CELF4: variants seen among roughly 807,000 people sequenced by gnomAD.
CELF4 encodes the protein CUGBP Elav-like family member 4.
In CELF4, 18 loss-of-function variants were observed where a neutral mutation model predicts 59.9. That is an observed-to-expected ratio of 0.30 (90% CI 0.21 to 0.45). The LOEUF (loss-of-function observed/expected upper bound fraction) is 0.45. Ranked by LOEUF, CELF4 falls within the 20% of genes least tolerant of loss-of-function variation. CELF4 has a pLI of 1.00. For missense variants in CELF4, 456 were observed against 689.0 expected, an observed-to-expected ratio of 0.66 and a Z score of 3.79; for synonymous variants, 261 against 267.1, an observed-to-expected ratio of 0.98 and a Z score of 0.22.
chr18:37,490,863 C>T (rs1362150131), intron 1 of CELF4, among the ~76,000 whole-genome samples: 1 of 152,148 alleles, frequency 6.6e-6, no homozygotes, highest in Non-Finnish European at 1.5e-5. Context: ...CCTTTCCTGC[C>T]CCACTGTCTG....
intron 2 of CELF4, among the ~76,000 whole-genome samples, chr18:37,468,783 T>C (rs549697593): frequency 6.6e-6 from 1 of 152,062 alleles, no homozygotes; most frequent in East Asian, 1.9e-4. Flanking sequence ...AGAGAGCGAA[T>C]GAGCAAAGGA....
intron 2 of CELF4, among the ~76,000 whole-genome samples, chr18:37,455,814 C>G (rs529424579): frequency 6.6e-6 from 1 of 152,198 alleles, no homozygotes; most frequent in Admixed American, 6.5e-5. Flanking sequence ...CCCGGGCTCT[C>G]CCAGGGCTCT....
chr18:37,552,494 T>C (rs2154605942), intron 1 of CELF4, among the ~76,000 whole-genome samples: 1 of 152,310 alleles, frequency 6.6e-6, no homozygotes, highest in East Asian at 1.9e-4. Flanking sequence ...ACTCCCCAAC[T>C]CCCGCCCCAG....
rs1289749681 is a variant in CELF4, at chr18:37,557,969, AT to A, written c.286+7386del. On this transcript the variant is annotated intron_variant, in intron 1 of 12. Coordinates refer to ENST00000420428, the MANE Select transcript of CELF4 (RefSeq NM_020180.4). ...AAGTAGAAGGGGAGAAACCCTGTAA[AT>A]GGATGGTCCTGAAAACATCCCTTTT... Among the ~76,000 whole-genome samples the A allele has an allele frequency of 1.4e-4, 21 of 150,252 alleles. No individual in the cohort carries two copies. In the East Asian group the frequency reaches 4.1e-3, roughly 30 times the overall value.
chr18:37,275,299 A>G, intron 3 of CELF4, 56 bp from the exon 4 acceptor site: 1 of 1,438,868 alleles, frequency 6.9e-7, no homozygotes, highest in East Asian at 3.3e-5. Flanking sequence ...GCGCGGGAGC[A>G]GGGCAAGGCC....
At chr18:37,283,840 C>T (rs1434447565) in intron 3 of CELF4, among the ~76,000 whole-genome samples, 1 of 125,298 alleles carries the variant, frequency 8.0e-6, no homozygotes, top group Non-Finnish European at 1.7e-5. Flanking sequence ...AAGGGGTGGG[C>T]ACTGCGGGCC....
chr18:37,318,081 C>A (rs1289074563), intron 3 of CELF4, among the ~76,000 whole-genome samples: 1 of 152,212 alleles, frequency 6.6e-6, no homozygotes, highest in Non-Finnish European at 1.5e-5. Context: ...TGCTTATGAG[C>A]ATTCAAGTGT....
At chr18:37,454,641 A>G (rs938821964) in intron 2 of CELF4, among the ~76,000 whole-genome samples, 2 of 152,202 alleles carry the variant, frequency 1.3e-5, no homozygotes. Flanking sequence ...ACCACCCATC[A>G]ATATGGAAAT....
chr18:37,290,404 G>C (rs896885150), intron 3 of CELF4, among the ~76,000 whole-genome samples: 2 of 152,172 alleles, frequency 1.3e-5, no homozygotes, highest in African/African-American at 4.8e-5. Context: ...GTGGAGTTTT[G>C]TCATTTTGCA....
At chr18:37,463,707 C>G (rs372936508) in intron 2 of CELF4, among the ~76,000 whole-genome samples, 111 of 152,276 alleles carry the variant, frequency 7.3e-4, no homozygotes, top group African/African-American at 2.2e-3. Flanking sequence ...AATGACCACT[C>G]TTATTGTCAC....
At chr18:37,405,255 T>C (rs1486361538) in intron 2 of CELF4, among the ~76,000 whole-genome samples, 1 of 152,248 alleles carries the variant, frequency 6.6e-6, no homozygotes, top group African/African-American at 2.4e-5. Context: ...GAATTGGGCC[T>C]CCCTGTGTGG....
chr18:37,541,865 G>A (rs945257745), intron 1 of CELF4, among the ~76,000 whole-genome samples: 2 of 152,010 alleles, frequency 1.3e-5, no homozygotes, highest in South Asian at 2.1e-4. Context: ...CGTATACAGC[G>A]GCCCCAGTCA....
At chr18:37,456,704 TG>T (rs1268120945) in intron 2 of CELF4, among the ~76,000 whole-genome samples, 1 of 152,156 alleles carries the variant, frequency 6.6e-6, no homozygotes, top group Non-Finnish European at 1.5e-5. Context: ...TACACAGCCA[TG>T]AATAACAGAG....
intron 2 of CELF4, among the ~76,000 whole-genome samples, chr18:37,485,222 C>G (rs1382729979): frequency 7.9e-5 from 12 of 151,818 alleles, no homozygotes; most frequent in Non-Finnish European, 2.9e-5. Context: ...CGATCGCGCA[C>G]GCGGCCCGCG....
In CELF4 at chr18:37,254,558, G is replaced by C. The variant is rs1243657402; in HGVS notation, c.1334-620C>G. Among the ~76,000 whole-genome samples, 4 of 152,108 alleles carry C rather than the reference G, an allele frequency of 2.6e-5. No homozygotes were observed. The highest frequency in any genetic ancestry group is 9.7e-5 in the African/African-American group (4 of 41,448). On this transcript the variant is annotated intron_variant, in intron 11 of 12. Coordinates refer to ENST00000420428, the MANE Select transcript of CELF4 (RefSeq NM_020180.4). This position sits in a 1 kb window ranked among gnomAD's most constrained non-coding sequence, Gnocchi z 5.1. ...CTCCCGGCCTCTGCCCGCCCCGCCAGGCTCCGGGTGGGCCCTGGGCGTCAC... is the reference window on the plus strand; with the variant it reads ...CTCCCGGCCTCTGCCCGCCCCGCCACGCTCCGGGTGGGCCCTGGGCGTCAC...
chr18:37,416,570 A>T (rs1305168841), intron 2 of CELF4, among the ~76,000 whole-genome samples: 1 of 152,218 alleles, frequency 6.6e-6, no homozygotes, highest in African/African-American at 2.4e-5. Context: ...AGACATATGG[A>T]ATCAGTATCC....
At chr18:37,404,028 T>G (rs916928154) in intron 2 of CELF4, among the ~76,000 whole-genome samples, 1 of 152,208 alleles carries the variant, frequency 6.6e-6, no homozygotes, top group African/African-American at 2.4e-5. Flanking sequence ...AGTCAGCATC[T>G]TCCACCTGAA....
intron 3 of CELF4, among the ~76,000 whole-genome samples, chr18:37,293,734 A>G (rs949931351): frequency 6.6e-6 from 1 of 152,152 alleles, no homozygotes; most frequent in Admixed American, 6.5e-5. Flanking sequence ...TTAGAAATCT[A>G]TGGTATCCTA....
At chr18:37,410,601 C>A (rs1438990743) in intron 2 of CELF4, among the ~76,000 whole-genome samples, 1 of 152,256 alleles carries the variant, frequency 6.6e-6, no homozygotes, top group African/African-American at 2.4e-5. Flanking sequence ...TGTCTCTGCA[C>A]ATAGGCCATC....
Sources: allele counts gnomAD v4.1 joint callset (sites outside exome capture counted in the v4.1 genomes callset), GRCh38; gene constraint gnomAD v4.1.1; non-coding constraint Gnocchi (gnomAD v3.1); transcripts MANE v1.5; gene names NCBI Gene and HGNC (gene_info 2026-07-23, HGNC 2026-07-21).